LARGE1: variants seen among roughly 807,000 people sequenced by gnomAD.
The protein encoded by LARGE1 is xylosyl- and glucuronyltransferase LARGE1.
LARGE1 carries 43 observed loss-of-function variants against 87.6 expected under a neutral mutation model. The ratio of observed to expected loss-of-function variants is 0.49; its 90% CI spans 0.38 to 0.63. The LOEUF is 0.63. Ranked by LOEUF, LARGE1 falls within the 30% of genes least tolerant of loss-of-function variation. The pLI is 0.00. For missense variants in LARGE1, 802 were observed against 1,000.2 expected (o/e 0.80, Z 2.67); for synonymous variants, 434 against 394.6 (o/e 1.10, Z -1.18).
the LARGE1 span, among the ~76,000 whole-genome samples, chr22:33,115,129 T>C: frequency 6.6e-6 from 1 of 152,212 alleles, no homozygotes; most frequent in South Asian, 2.1e-4. Flanking sequence ...AACTAAATTG[T>C]GCCTCTCACC....
chr22:33,120,068 C>T, the LARGE1 span, among the ~76,000 whole-genome samples: 3 of 151,936 alleles, frequency 2.0e-5, no homozygotes, highest in East Asian at 1.9e-4. Flanking sequence ...GTACCAGGAA[C>T]CCATATTTGA....
At chr22:33,252,816 G>A (rs1249841990) in intron 11 of LARGE1, among the ~76,000 whole-genome samples, 1 of 152,204 alleles carries the variant, frequency 6.6e-6, no homozygotes, top group Non-Finnish European at 1.5e-5. Context: ...TTAAAGAACA[G>A]AATTTAGGAG....
chr22:33,157,619 A>G (rs1474118127), downstream of LARGE1, among the ~76,000 whole-genome samples: 1 of 152,168 alleles, frequency 6.6e-6, no homozygotes, highest in South Asian at 2.1e-4. Context: ...ATACTTCCAT[A>G]CCACTATCAA....
intron 9 of LARGE1, among the ~76,000 whole-genome samples, chr22:33,341,141 C>G (rs765397074): frequency 2.0e-5 from 3 of 152,018 alleles, no homozygotes; most frequent in Admixed American, 6.6e-5. Context: ...GTCATTAGGT[C>G]ACAAGGGAAG....
intron 1 of LARGE1, among the ~76,000 whole-genome samples, chr22:33,849,519 C>T (rs891451199): frequency 6.6e-6 from 1 of 151,994 alleles, no homozygotes; most frequent in Admixed American, 6.6e-5. Context: ...TCACTCATAA[C>T]CTACTGGGTA....
At chr22:33,274,803 C>T (rs1928876378) in intron 14 of LARGE1, among the ~76,000 whole-genome samples, 179 bp from the exon 15 acceptor site, 1 of 152,128 alleles carries the variant, frequency 6.6e-6, no homozygotes, top group Admixed American at 6.5e-5. Context: ...GTTTCCATGA[C>T]CTTGGACCAG....
intron 1 of LARGE1, among the ~76,000 whole-genome samples, chr22:33,857,001 G>A (rs998541549): frequency 6.6e-6 from 1 of 152,152 alleles, no homozygotes; most frequent in Non-Finnish European, 1.5e-5. Context: ...CGTGATCTCA[G>A]TTCACTGCAA....
chr22:33,157,716 A>G (rs1407985468), downstream of LARGE1, among the ~76,000 whole-genome samples: 3 of 152,216 alleles, frequency 2.0e-5, no homozygotes, highest in South Asian at 4.1e-4. Flanking sequence ...AAACATCATG[A>G]TACCCTTCTT....
intron 1 of LARGE1, among the ~76,000 whole-genome samples, chr22:33,795,161 C>T (rs1425242519): frequency 6.6e-6 from 1 of 152,132 alleles, no homozygotes; most frequent in African/African-American, 2.4e-5. Context: ...TAAATTAATC[C>T]TAAAACCCAA....
chr22:33,828,413 T>C (rs2062861713), intron 1 of LARGE1, among the ~76,000 whole-genome samples: 1 of 130,266 alleles, frequency 7.7e-6, no homozygotes, highest in East Asian at 2.3e-4. Flanking sequence ...CACTGCAGAG[T>C]TCAGAAAAGA....
intron 1 of LARGE1, among the ~76,000 whole-genome samples, chr22:33,831,633 T>C (rs2062972535): frequency 6.6e-6 from 1 of 151,994 alleles, no homozygotes; most frequent in South Asian, 2.1e-4. Context: ...TCCTAAGTTT[T>C]TAAAAAAAGA....
At chr22:33,774,018 T>C (rs1431525418) in intron 1 of LARGE1, among the ~76,000 whole-genome samples, 1 of 147,284 alleles carries the variant, frequency 6.8e-6, no homozygotes, top group African/African-American at 2.5e-5. Flanking sequence ...GCTGTGTATC[T>C]TGGAAAAGGA....
chr22:33,390,710 G>A lies in LARGE1; in HGVS notation c.893-6406C>T, dbSNP rs1452978870. On this transcript the variant is annotated intron_variant, in intron 7 of 14. Transcript: ENST00000397394. The stretch of plus-strand genomic sequence containing the variant: ...GTGTGTTTTTTTTTTTTTTTTTTGA[G>A]ACAGAGTCTTACTCTGCTGCCCAGG... Among the ~76,000 whole-genome samples, 7 of 138,622 alleles carry A rather than the reference G, an allele frequency of 5.0e-5. No homozygotes were observed. The South Asian group carries it at 1.4e-3, about 28-fold the overall frequency. The allele number at this position is 138,622 out of a possible 152,430, so 90.9% of individuals were successfully genotyped here. A position where few individuals can be genotyped will look rare whatever the true frequency, so the allele number is the denominator to read the frequency against.
intron 1 of LARGE1, among the ~76,000 whole-genome samples, chr22:33,817,955 C>G (rs2086706220): frequency 6.6e-6 from 1 of 151,928 alleles, no homozygotes; most frequent in Non-Finnish European, 1.5e-5. Flanking sequence ...GAAGGAAGAA[C>G]AGGGTAGCAT....
chr22:33,320,578 C>T lies in LARGE1; in HGVS notation c.1288-4330G>A, dbSNP rs181143290. Among the ~76,000 whole-genome samples the T allele has an allele frequency of 2.5e-3, 385 of 152,276 alleles. 5 individuals are homozygous for T. The highest frequency in any genetic ancestry group is 4.9e-4 in the Non-Finnish European group (33 of 68,030). ...CACCATGCCTGGCTTGTGACAGGTG[C>T]TAATATCATGTGTTGCATGCCTGAA... On this transcript the variant is annotated intron_variant, in intron 10 of 14. Transcript: ENST00000397394.
chr22:33,493,143 A>C (rs2148302977), intron 6 of LARGE1, among the ~76,000 whole-genome samples: 1 of 149,582 alleles, frequency 6.7e-6, no homozygotes, highest in South Asian at 2.1e-4. Flanking sequence ...TAGCTCTACA[A>C]GCATGGTGGC....
chr22:33,329,987 G>A (rs1277739505), intron 10 of LARGE1, among the ~76,000 whole-genome samples: 2 of 150,690 alleles, frequency 1.3e-5, no homozygotes, highest in Non-Finnish European at 2.9e-5. Context: ...ATTTCCTTAT[G>A]TTTCATTAAA....
intron 11 of LARGE1, among the ~76,000 whole-genome samples, chr22:33,185,111 A>G (rs1307906356): frequency 6.6e-6 from 1 of 152,190 alleles, no homozygotes; most frequent in African/African-American, 2.4e-5. Context: ...TTGAACATTG[A>G]TAGTAGCTGT....
intron 2 of LARGE1, among the ~76,000 whole-genome samples, chr22:33,747,171 C>A (rs1257502699): frequency 1.3e-5 from 2 of 152,174 alleles, no homozygotes; most frequent in Non-Finnish European, 2.9e-5. Context: ...TGATTAGCAG[C>A]TAAAGGCAAG....
Sources: allele counts gnomAD v4.1 joint callset (sites outside exome capture counted in the v4.1 genomes callset), GRCh38; gene constraint gnomAD v4.1.1; transcripts MANE v1.5; gene names NCBI Gene and HGNC (gene_info 2026-07-23, HGNC 2026-07-21).